NCAM2: variants seen among roughly 807,000 people sequenced by gnomAD.
NCAM2 encodes the protein neural cell adhesion molecule 2.
NCAM2 carries 30 observed loss-of-function variants against 98.1 expected under a neutral mutation model. The observed-to-expected ratio is 0.31, with a 90% CI of 0.23 to 0.41. NCAM2 has a LOEUF of 0.41. NCAM2 is among the 10% of genes least tolerant of loss of function. The probability of loss-of-function intolerance (pLI) is 1.00; values close to 1 mark genes in which losing one functional copy is unlikely to be tolerated. For synonymous variants in NCAM2, 368 were observed against 342.4 expected, an observed-to-expected ratio of 1.07 and a Z score of -0.83; for missense variants, 867 against 1,005.8, an observed-to-expected ratio of 0.86 and a Z score of 1.87.
intron 1 of NCAM2, among the ~76,000 whole-genome samples, chr21:21,081,628 C>T (rs1294496045): frequency 7.7e-6 from 1 of 129,324 alleles, no homozygotes; most frequent in Non-Finnish European, 1.7e-5. Flanking sequence ...TGGTGAAACC[C>T]CATCTCTACC....
At chr21:21,449,210 A>C (rs1040207751) in intron 12 of NCAM2, among the ~76,000 whole-genome samples, 1 of 151,964 alleles carries the variant, frequency 6.6e-6, no homozygotes, top group Non-Finnish European at 1.5e-5. Flanking sequence ...CTGTGCATGC[A>C]TAATTTTATG....
chr21:21,055,776 T>C (rs1259054833), intron 1 of NCAM2, among the ~76,000 whole-genome samples: 1 of 152,120 alleles, frequency 6.6e-6, no homozygotes, highest in Non-Finnish European at 1.5e-5. Flanking sequence ...TCCTAAACCT[T>C]ACTTTCCCCA....
chr21:21,537,540 G>T lies in NCAM2; in HGVS notation c.2403-306G>T, dbSNP rs547183881. On this transcript the variant is annotated intron_variant, in intron 17 of 17. Transcript: ENST00000400546. ...AAGCCACCCTATAGTGAGCAATTTG[G>T]TGCATCTATATCTACAAATATATTG... Among the ~76,000 whole-genome samples, 57 of 152,200 alleles carry T rather than the reference G, an allele frequency of 3.7e-4. No individual in the cohort carries two copies. The South Asian group carries it at 0.012, about 31-fold the overall frequency.
At chr21:21,304,911 A>G (rs977793572) in intron 5 of NCAM2, among the ~76,000 whole-genome samples, 4 of 152,200 alleles carry the variant, frequency 2.6e-5, no homozygotes, top group African/African-American at 7.2e-5. Flanking sequence ...TTTAATTGTT[A>G]ATTGTAGCAT....
chr21:21,503,704 A>T (rs1241898008), intron 15 of NCAM2, among the ~76,000 whole-genome samples: 2 of 151,954 alleles, frequency 1.3e-5, no homozygotes, highest in Non-Finnish European at 2.9e-5. Context: ...GTTTGGCTGA[A>T]AATTTGAATG....
chr21:21,128,770 G>T (rs2066878103), intron 1 of NCAM2, among the ~76,000 whole-genome samples: 1 of 152,026 alleles, frequency 6.6e-6, no homozygotes, highest in Non-Finnish European at 1.5e-5. Context: ...TTTGACGTCA[G>T]ATAATAAAAC....
At chr21:21,210,026 G>A (rs1006641432) in intron 1 of NCAM2, among the ~76,000 whole-genome samples, 18 of 152,252 alleles carry the variant, frequency 1.2e-4, no homozygotes, top group African/African-American at 4.3e-4. Context: ...GAAGTCAAGA[G>A]CTCATACTCC....
At chr21:21,009,817 G>T (rs2064174488) in intron 1 of NCAM2, among the ~76,000 whole-genome samples, 1 of 150,214 alleles carries the variant, frequency 6.7e-6, no homozygotes, top group East Asian at 2.0e-4. Flanking sequence ...ATACTTTAAT[G>T]TTTTCTCTGT....
chr21:21,245,191 C>CT (rs1247914377), intron 1 of NCAM2, among the ~76,000 whole-genome samples: 1 of 152,206 alleles, frequency 6.6e-6, no homozygotes, highest in Non-Finnish European at 1.5e-5. Flanking sequence ...GCATAGGTAC[C>CT]TTTTTTTCTC....
chr21:21,413,000 G>A (rs1290669520), intron 10 of NCAM2, among the ~76,000 whole-genome samples: 2 of 152,024 alleles, frequency 1.3e-5, no homozygotes, highest in South Asian at 2.1e-4. Context: ...TTATTGAATT[G>A]TTTTAAAGAT....
intron 1 of NCAM2, among the ~76,000 whole-genome samples, chr21:21,043,850 C>CAA (rs72473034): frequency 0.025 from 2,955 of 119,442 alleles, 137 homozygotes; most frequent in African/African-American, 0.081. Flanking sequence ...GAGACTCCGT[C>CAA]AAAAAAAAAA....
At chr21:21,342,403 C>A (rs999931474) in intron 8 of NCAM2, among the ~76,000 whole-genome samples, 6 of 152,150 alleles carry the variant, frequency 3.9e-5, no homozygotes, top group African/African-American at 1.4e-4. Flanking sequence ...GGAGGTTCAA[C>A]TTTGCTGAGA....
chr21:21,514,962 G>A (rs1004116318), intron 16 of NCAM2, among the ~76,000 whole-genome samples: 7 of 151,922 alleles, frequency 4.6e-5, no homozygotes, highest in African/African-American at 9.7e-5. Flanking sequence ...CTTCAAGATC[G>A]TTTTGCTAGT....
At chr21:21,230,664 T>C (rs2070585711) in intron 1 of NCAM2, among the ~76,000 whole-genome samples, 1 of 151,424 alleles carries the variant, frequency 6.6e-6, no homozygotes, top group Non-Finnish European at 1.5e-5. Context: ...TTAGCCATAA[T>C]CTGTTTTTAA....
rs548934562 is a variant in NCAM2 at position 21,262,135 on chromosome 21, C to A, written c.56-18443C>A. Among the ~76,000 whole-genome samples, 7 of 152,192 alleles carry A rather than the reference C, an allele frequency of 4.6e-5. No individual in the cohort carries two copies. The East Asian group carries it at 1.4e-3, about 29-fold the overall frequency. On this transcript the variant is annotated intron_variant, in intron 1 of 17. Transcript: ENST00000400546. ...AAATGTATAAATTCCTGGAAACACA[C>A]AACCTTCCAAGAATGAACCAGGAAG...
At chr21:21,398,113 C>A (rs541844465) in intron 9 of NCAM2, among the ~76,000 whole-genome samples, 1 of 152,276 alleles carries the variant, frequency 6.6e-6, no homozygotes, top group East Asian at 1.9e-4. Context: ...GCATTTGTAG[C>A]AGCCTAGTTG....
intron 1 of NCAM2, among the ~76,000 whole-genome samples, chr21:21,061,447 A>G (rs1312186995): frequency 6.6e-6 from 1 of 152,104 alleles, no homozygotes; most frequent in Non-Finnish European, 1.5e-5. Context: ...ATCAGTCTTG[A>G]TGAACATTCA....
In NCAM2 at chr21:21,280,066, G is replaced by GA. The variant is rs533295363; in HGVS notation, c.56-508dup. On this transcript the variant is annotated intron_variant, in intron 1 of 17. Coordinates refer to ENST00000400546, the MANE Select transcript of NCAM2 (RefSeq NM_004540.5). ...CCTTCACTTAACTTTCTGATCTTGT[G>GA]AAAATCAGTGCTGCTTCATCTTACT... Among the ~76,000 whole-genome samples, 588 of 152,210 alleles carry GA rather than the reference G, an allele frequency of 3.9e-3. 6 individuals are homozygous for GA. The highest frequency in any genetic ancestry group is 0.014 in the African/African-American group (565 of 41,538).
At position 21,009,502 on chromosome 21, in the gene NCAM2, C is replaced by A. The variant is rs6518021; in HGVS notation, c.55+10884C>A. 9.9e-3 allele frequency among the ~76,000 whole-genome samples: 1,501 copies of A among 151,990 alleles called. 23 individuals carry two copies. Among genetic ancestry groups the A allele is most frequent in the African/African-American group, 0.034 (1,404 of 41,486 alleles). ...AAGATTTGTTCTTTTGAAGCCTTATCTGAGGCATAGGAGATGGTTATACAG... is the reference window on the plus strand; with the variant it reads ...AAGATTTGTTCTTTTGAAGCCTTATATGAGGCATAGGAGATGGTTATACAG... On this transcript the variant is annotated intron_variant, in intron 1 of 17. Transcript: ENST00000400546.
Sources: allele counts gnomAD v4.1 joint callset (sites outside exome capture counted in the v4.1 genomes callset), GRCh38; gene constraint gnomAD v4.1.1; transcripts MANE v1.5; gene names NCBI Gene and HGNC (gene_info 2026-07-23, HGNC 2026-07-21).